The following SLC25A42 variants were observed in gnomAD, a reference collection of about 807,000 sequenced individuals.
The protein encoded by SLC25A42 is mitochondrial coenzyme A transporter SLC25A42.
In SLC25A42, 19 loss-of-function variants were observed where a neutral mutation model predicts 34.7. The observed-to-expected ratio is 0.55, with a 90% CI of 0.38 to 0.80. The LOEUF is 0.80. Among genes scored for constraint, SLC25A42 ranks in the 30% least tolerant of loss-of-function variants. The pLI is 0.00. For missense variants in SLC25A42, 364 were observed against 441.3 expected (o/e 0.82, Z 1.57); for synonymous variants, 205 against 191.2 (o/e 1.07, Z -0.59).
chr19:19,109,541 C>T lies in SLC25A42; in HGVS notation c.650-1028C>T, dbSNP rs1193835946. On this transcript the variant is annotated intron_variant, in intron 7 of 7. Coordinates refer to ENST00000318596, the MANE Select transcript of SLC25A42 (RefSeq NM_178526.5). This position sits in a 1 kb window ranked among gnomAD's most constrained non-coding sequence, Gnocchi z 4.1. ...CACTTCCTGGGTTCAAGCCATTCTC[C>T]TGCCTCAGCCTCCCTAGTAGCTGGG... 6.6e-6 allele frequency among the ~76,000 whole-genome samples: 1 copy of T among 152,168 alleles called. No individual in the cohort carries two copies. Among genetic ancestry groups the T allele is most frequent in the Non-Finnish European group, 1.5e-5 (1 of 68,028 alleles).
At chr19:19,090,668 C>A (rs567440321) in intron 1 of SLC25A42, among the ~76,000 whole-genome samples, 1 of 152,026 alleles carries the variant, frequency 6.6e-6, no homozygotes, top group African/African-American at 2.4e-5. Context: ...ACAACAACAA[C>A]AACAACAAAA....
intron 1 of SLC25A42, among the ~76,000 whole-genome samples, chr19:19,077,445 G>C (rs953964338): frequency 6.6e-6 from 1 of 152,198 alleles, no homozygotes. Flanking sequence ...CCTCATATAA[G>C]TGGATTCGTA....
At chr19:19,106,140 C>A (rs1218922804) in intron 5 of SLC25A42, 129 bp from the exon 6 acceptor site, 4 of 767,082 alleles carry the variant, frequency 5.2e-6, no homozygotes, top group Non-Finnish European at 8.5e-6. Flanking sequence ...GAAGCCAAAC[C>A]CGCCTCGTGT....
At chr19:19,098,998 G>C (rs1368000574) in intron 2 of SLC25A42, among the ~76,000 whole-genome samples, 1 of 152,180 alleles carries the variant, frequency 6.6e-6, no homozygotes, top group Non-Finnish European at 1.5e-5. Flanking sequence ...TCTCCAGCAG[G>C]GTGCAGGGAG....
chr19:19,078,733 C>T (rs542187211), intron 1 of SLC25A42, among the ~76,000 whole-genome samples: 1 of 152,248 alleles, frequency 6.6e-6, no homozygotes, highest in Non-Finnish European at 1.5e-5. Context: ...CCAGGGTGTA[C>T]CCAGGCTCCC....
chr19:19,102,940 TA>T (rs2059806105), intron 3 of SLC25A42, among the ~76,000 whole-genome samples: 1 of 152,076 alleles, frequency 6.6e-6, no homozygotes, highest in Non-Finnish European at 1.5e-5. Context: ...CCAGAGGCTC[TA>T]GGGGAGGATC....
At chr19:19,100,326 A>AGCAAGACTGT (rs928272208) in intron 2 of SLC25A42, among the ~76,000 whole-genome samples, 2 of 152,104 alleles carry the variant, frequency 1.3e-5, no homozygotes, top group African/African-American at 4.8e-5. Flanking sequence ...TGGGCGACAG[A>AGCAAGACTGT]GCAAGACTGT....
intron 1 of SLC25A42, among the ~76,000 whole-genome samples, chr19:19,093,646 T>C (rs1396495548): frequency 6.6e-6 from 1 of 152,138 alleles, no homozygotes; most frequent in African/African-American, 2.4e-5. Flanking sequence ...TCAGGGCTGC[T>C]GGAGAATGCC....
At chr19:19,086,233 A>G (rs2059708006) in intron 1 of SLC25A42, among the ~76,000 whole-genome samples, 1 of 152,044 alleles carries the variant, frequency 6.6e-6, no homozygotes, top group African/African-American at 2.4e-5. Context: ...TCCCAGGTTC[A>G]AGCGTTTCTC....
intron 2 of SLC25A42, among the ~76,000 whole-genome samples, chr19:19,097,417 A>T (rs1340746295): frequency 6.6e-6 from 1 of 152,246 alleles, no homozygotes; most frequent in Admixed American, 6.5e-5. Context: ...GAACACCTGG[A>T]TATGGCTGTT....
intron 7 of SLC25A42, among the ~76,000 whole-genome samples, chr19:19,108,514 A>G (rs1215711358): frequency 1.3e-5 from 2 of 150,870 alleles, no homozygotes; most frequent in African/African-American, 4.9e-5. Flanking sequence ...TCACTGCTGC[A>G]CACCAGCCTG....
chr19:19,096,254 T>TCCCCCCCCCCCCCCCCCCCCCCCCACC, intron 2 of SLC25A42, 49 bp downstream of exon 2: 1 of 1,456,752 alleles, frequency 6.9e-7, no homozygotes, highest in Non-Finnish European at 9.4e-7. Flanking sequence ...GGCCCCAGCC[T>TCCCCCCCCCCCCCCCCCCCCCCCCACC]CCCCACCCCC....
intron 1 of SLC25A42, among the ~76,000 whole-genome samples, chr19:19,088,214 T>A (rs2059718237): frequency 6.6e-6 from 1 of 150,596 alleles, no homozygotes; most frequent in South Asian, 2.1e-4. Flanking sequence ...TTTTTTTTTT[T>A]TTTTTTTTTG....
chr19:19,065,139 C>T (rs1182113914), intron 1 of SLC25A42, among the ~76,000 whole-genome samples: 1 of 152,096 alleles, frequency 6.6e-6, no homozygotes. Context: ...AAAGGCTTAG[C>T]TGGAAGGGAC....
At chr19:19,089,136 C>A (rs928429211) in intron 1 of SLC25A42, among the ~76,000 whole-genome samples, 2 of 152,194 alleles carry the variant, frequency 1.3e-5, no homozygotes, top group African/African-American at 2.4e-5. Context: ...AAATGGGCAC[C>A]TGTTCTTTCT....
Position 19,091,629 on chromosome 19 carries a change from C to T in SLC25A42, c.-34-4462C>T, listed in dbSNP as rs972080399. On this transcript the variant is annotated intron_variant, in intron 1 of 7. Transcript: ENST00000318596. ...CGGTGGCTCCCACCTGGAATCCCAGCGCTTTGGGAGGCTGAGGCAGGAGGA... is the reference window on the plus strand; with the variant it reads ...CGGTGGCTCCCACCTGGAATCCCAGTGCTTTGGGAGGCTGAGGCAGGAGGA... 3.9e-5 allele frequency among the ~76,000 whole-genome samples: 6 copies of T among 152,088 alleles called. No individual in the cohort carries two copies. In the East Asian group the frequency reaches 5.8e-4, roughly 15 times the overall value.
intron 2 of SLC25A42, among the ~76,000 whole-genome samples, chr19:19,096,765 C>T (rs763625517): frequency 6.6e-6 from 1 of 151,946 alleles, no homozygotes; most frequent in South Asian, 2.1e-4. Context: ...GGTGAAACCC[C>T]GTCTCTACTA....
intron 6 of SLC25A42, among the ~76,000 whole-genome samples, chr19:19,107,168 T>C (rs940837916): frequency 6.6e-6 from 1 of 151,230 alleles, no homozygotes; most frequent in African/African-American, 2.4e-5. Context: ...AACTGAAATA[T>C]TAGCCTGATG....
chr19:19,082,115 G>T (rs1481610209), intron 1 of SLC25A42, among the ~76,000 whole-genome samples: 2 of 152,164 alleles, frequency 1.3e-5, no homozygotes, highest in African/African-American at 2.4e-5. Flanking sequence ...GTGACAGCCT[G>T]TGTCCACTTC....
Sources: allele counts gnomAD v4.1 joint callset (sites outside exome capture counted in the v4.1 genomes callset), GRCh38; gene constraint gnomAD v4.1.1; non-coding constraint Gnocchi (gnomAD v3.1); transcripts MANE v1.5; gene names NCBI Gene and HGNC (gene_info 2026-07-23, HGNC 2026-07-21).